KCNIP3: variants seen among roughly 807,000 people sequenced by gnomAD.
KCNIP3 encodes the protein potassium voltage-gated channel interacting protein 3.
KCNIP3 carries 28 observed loss-of-function variants against 35.0 expected under a neutral mutation model. The ratio of observed to expected loss-of-function variants is 0.80; its 90% CI spans 0.59 to 1.10. The LOEUF is 1.10. Among genes scored for constraint, KCNIP3 ranks in the 50% least tolerant of loss-of-function variants. The probability of loss-of-function intolerance (pLI) is 0.00; values close to 1 mark genes in which losing one functional copy is unlikely to be tolerated. For synonymous variants in KCNIP3, 134 were observed against 133.8 expected, an observed-to-expected ratio of 1.00 and a Z score of -0.01; for missense variants, 295 against 338.4, an observed-to-expected ratio of 0.87 and a Z score of 1.01.
At chr2:95,353,011 C>G (rs1679565338) in intron 2 of KCNIP3, among the ~76,000 whole-genome samples, 1 of 152,228 alleles carries the variant, frequency 6.6e-6, no homozygotes, top group Admixed American at 6.5e-5. Flanking sequence ...ACCTGGCACT[C>G]TATCCCAATG....
chr2:95,325,954 T>C (rs530784460), intron 2 of KCNIP3, among the ~76,000 whole-genome samples: 27 of 138,744 alleles, frequency 1.9e-4, no homozygotes, highest in African/African-American at 3.0e-4. Flanking sequence ...CACTCACACA[T>C]ACACACACTC....
At chr2:95,318,660 G>T (rs1472896346) in intron 2 of KCNIP3, among the ~76,000 whole-genome samples, 7 of 152,194 alleles carry the variant, frequency 4.6e-5, no homozygotes, top group Admixed American at 1.3e-4. Flanking sequence ...CGGCCACGGG[G>T]CTACGAAGCA....
intron 2 of KCNIP3, chr2:95,347,045 G>A: frequency 6.2e-7 from 1 of 1,611,236 alleles, no homozygotes; most frequent in Non-Finnish European, 8.5e-7. Context: ...ATGGAGCTGT[G>A]CGCCATGGCC....
intron 2 of KCNIP3, among the ~76,000 whole-genome samples, chr2:95,337,126 A>G (rs989440104): frequency 1.3e-5 from 2 of 152,116 alleles, no homozygotes; most frequent in Admixed American, 1.3e-4. Flanking sequence ...TTGAACTCTG[A>G]GCTCTATTTC....
At chr2:95,379,524 G>C (rs1166991231) in intron 5 of KCNIP3, among the ~76,000 whole-genome samples, 1 of 152,230 alleles carries the variant, frequency 6.6e-6, no homozygotes, top group Admixed American at 6.5e-5. Context: ...TGGGATCCCT[G>C]ATCTGCCTTT....
intron 2 of KCNIP3, among the ~76,000 whole-genome samples, chr2:95,350,863 ACT>A (rs1415833796): frequency 1.3e-5 from 2 of 151,770 alleles, no homozygotes; most frequent in South Asian, 4.2e-4. Context: ...TTCTTGGGGG[ACT>A]CTCTGTCCTG....
At chr2:95,383,460 T>C (rs1573525799) in intron 8 of KCNIP3, among the ~76,000 whole-genome samples, 166 bp downstream of exon 8, 2 of 151,804 alleles carry the variant, frequency 1.3e-5, no homozygotes, top group African/African-American at 4.8e-5. Flanking sequence ...CAAGCTCCAC[T>C]TGCCCTCTTG....
intron 2 of KCNIP3, among the ~76,000 whole-genome samples, chr2:95,332,020 T>C (rs1678944394): frequency 6.6e-6 from 1 of 152,246 alleles, no homozygotes; most frequent in Non-Finnish European, 1.5e-5. Flanking sequence ...CCCGCCCCGT[T>C]CTCTTCCAGT....
intron 2 of KCNIP3, among the ~76,000 whole-genome samples, chr2:95,348,416 C>T (rs1238354914): frequency 6.6e-6 from 1 of 152,192 alleles, no homozygotes. Flanking sequence ...TCCCCTGTCC[C>T]CTTGCCCCAT....
At chr2:95,375,115 A>G (rs1205965813) in intron 4 of KCNIP3, 23 bp from the exon 5 acceptor site, 24 of 1,612,180 alleles carry the variant, frequency 1.5e-5, no homozygotes, top group Non-Finnish European at 2.0e-5. Flanking sequence ...GACACACCCC[A>G]GCCTCTTCCT....
chr2:95,303,883 GA>G (rs1678106500), intron 1 of KCNIP3, among the ~76,000 whole-genome samples: 2 of 151,902 alleles, frequency 1.3e-5, no homozygotes. Flanking sequence ...AGTAAAGAAA[GA>G]AAAAAAGGTT....
chr2:95,369,687 G>A (rs773020131), intron 2 of KCNIP3, among the ~76,000 whole-genome samples: 1 of 151,652 alleles, frequency 6.6e-6, no homozygotes, highest in Non-Finnish European at 1.5e-5. Flanking sequence ...CTGAAGTGCA[G>A]TGGTATGACC....
At position 95,322,912 on chromosome 2, in the gene KCNIP3, G is replaced by A. The variant is rs1678631876; in HGVS notation, c.181+12392G>A. Among the ~76,000 whole-genome samples, 5 of 152,344 alleles carry A rather than the reference G, an allele frequency of 3.3e-5. No individual in the cohort carries two copies. The South Asian group carries it at 1.0e-3, about 32-fold the overall frequency. ...AGAGCACTCCTCAAACACTTCCCCA[G>A]GGCCTTGCCAATGAGGCAGAGTTCA... is the stretch of plus-strand genomic sequence containing the variant. On this transcript the variant is annotated intron_variant, in intron 2 of 8. Coordinates refer to ENST00000295225, the MANE Select transcript of KCNIP3 (RefSeq NM_013434.5).
chr2:95,334,923 G>A (rs1679019294), intron 2 of KCNIP3, among the ~76,000 whole-genome samples: 1 of 152,198 alleles, frequency 6.6e-6, no homozygotes, highest in Non-Finnish European at 1.5e-5. Context: ...GACCAAGGGG[G>A]AATCAAACAG....
At chr2:95,359,835 A>T (rs1309200256) in intron 2 of KCNIP3, among the ~76,000 whole-genome samples, 1 of 152,240 alleles carries the variant, frequency 6.6e-6, no homozygotes, top group Non-Finnish European at 1.5e-5. Context: ...CTTGAGCCAC[A>T]GCTGGGGCAG....
intron 1 of KCNIP3, among the ~76,000 whole-genome samples, chr2:95,307,811 C>G (rs1219534545): frequency 6.6e-6 from 1 of 152,210 alleles, no homozygotes; most frequent in Non-Finnish European, 1.5e-5. Context: ...GAGGCCGCCT[C>G]AGTTTCTTCT....
chr2:95,297,593 A>C (rs1677901402), intron 1 of KCNIP3, 140 bp downstream of exon 1: 1 of 723,712 alleles, frequency 1.4e-6, no homozygotes, highest in Non-Finnish European at 2.3e-6. Context: ...GGGGAAAGTG[A>C]GCGTTGGGGC....
At chr2:95,325,432 G>T (rs545579230) in intron 2 of KCNIP3, among the ~76,000 whole-genome samples, 1 of 152,308 alleles carries the variant, frequency 6.6e-6, no homozygotes, top group Admixed American at 6.5e-5. Flanking sequence ...GCAGCTTGGG[G>T]TCTGGCTGAA....
chr2:95,355,892 C>T (rs1043399982), intron 2 of KCNIP3, among the ~76,000 whole-genome samples: 1 of 152,164 alleles, frequency 6.6e-6, no homozygotes, highest in Non-Finnish European at 1.5e-5. Context: ...AATGGTAATT[C>T]TAGTTCTAGA....
Sources: allele counts gnomAD v4.1 joint callset (sites outside exome capture counted in the v4.1 genomes callset), GRCh38; gene constraint gnomAD v4.1.1; transcripts MANE v1.5; gene names NCBI Gene and HGNC (gene_info 2026-07-23, HGNC 2026-07-21).